FGD3: variants seen among roughly 807,000 people sequenced by gnomAD.
FGD3 encodes FYVE, RhoGEF and PH domain-containing protein 3.
FGD3 carries 45 observed loss-of-function variants against 71.8 expected under a neutral mutation model. That is an observed-to-expected ratio of 0.63 (90% CI 0.49 to 0.80). The LOEUF is 0.80. Among genes scored for constraint, FGD3 ranks in the 30% least tolerant of loss-of-function variants. The probability of loss-of-function intolerance (pLI) is 0.00; values close to 1 mark genes in which losing one functional copy is unlikely to be tolerated. For missense variants in FGD3, 844 were observed against 951.5 expected, an observed-to-expected ratio of 0.89 and a Z score of 1.49; for synonymous variants, 378 against 392.8, an observed-to-expected ratio of 0.96 and a Z score of 0.44.
intron 5 of FGD3, among the ~76,000 whole-genome samples, chr9:93,005,725 T>C (rs934382727): frequency 6.6e-6 from 1 of 152,198 alleles, no homozygotes; most frequent in African/African-American, 2.4e-5. Context: ...ATAACTGTGG[T>C]TCATCATTCA....
chr9:93,005,629 G>A (rs1861020553), intron 5 of FGD3, among the ~76,000 whole-genome samples: 1 of 152,166 alleles, frequency 6.6e-6, no homozygotes, highest in Admixed American at 6.5e-5. Context: ...ACTTTCCCCA[G>A]GACTTCACCA....
At position 92,969,518 on chromosome 9, in the gene FGD3, T is replaced by A. The variant is rs972250808; in HGVS notation, c.-217-5720T>A. On this transcript the variant is annotated intron_variant, in intron 1 of 17. Transcript: ENST00000375482. This position sits in a 1 kb window ranked among gnomAD's most constrained non-coding sequence, Gnocchi z 4.5. ...TTAAAAACCACCACTAACGCGTTTG[T>A]TGCTCCCCCTACATAACATGCCATT... Among the ~76,000 whole-genome samples, 4 of 152,162 alleles carry A rather than the reference T, an allele frequency of 2.6e-5. No individual in the cohort carries two copies. Among genetic ancestry groups the A allele is most frequent in the African/African-American group, 9.7e-5 (4 of 41,446 alleles).
chr9:93,034,987 C>G (rs1033398699), intron 17 of FGD3, among the ~76,000 whole-genome samples: 2 of 152,152 alleles, frequency 1.3e-5, no homozygotes, highest in African/African-American at 4.8e-5. Context: ...CAGCCCTGGC[C>G]CGGCCCCTTG....
chr9:92,989,675 G>T (rs953858032), intron 3 of FGD3, among the ~76,000 whole-genome samples: 5 of 152,210 alleles, frequency 3.3e-5, no homozygotes, highest in Non-Finnish European at 7.3e-5. Flanking sequence ...AAGAGAAAAG[G>T]AGCCGGTAGG....
chr9:93,011,111 C>T lies in FGD3; in HGVS notation c.977-103C>T, dbSNP rs748144953. 4 of 1,199,346 alleles carry T rather than the reference C, an allele frequency of 3.3e-6. No individual in the cohort carries two copies. In the Admixed American group the frequency reaches 5.1e-5, roughly 15 times the overall value. The allele number at this position is 1,199,346 out of a possible 1,614,324, so 74.3% of individuals were successfully genotyped here. On this transcript the variant is annotated intron_variant, in intron 7 of 17. Coordinates refer to ENST00000375482, the MANE Select transcript of FGD3 (RefSeq NM_001083536.2). ...CAGGCACCCTGGGAAAGGCTGAGGG[C>T]AGAGACAGATCCTCTCTCTGGAGGC...
At chr9:92,995,651 C>G (rs1380870589) in intron 3 of FGD3, among the ~76,000 whole-genome samples, 7 of 152,132 alleles carry the variant, frequency 4.6e-5, no homozygotes, top group Non-Finnish European at 1.0e-4. Flanking sequence ...TATGTCCCAT[C>G]AATATCTAGT....
intron 3 of FGD3, among the ~76,000 whole-genome samples, chr9:92,997,614 G>C (rs1860697930): frequency 6.6e-6 from 1 of 152,132 alleles, no homozygotes; most frequent in Admixed American, 6.6e-5. Context: ...GCTGGTACCG[G>C]TTGTTCCTTT....
Position 93,013,486 on chromosome 9 carries a change from G to A in FGD3, c.1036-366G>A, listed in dbSNP as rs990101930. Among the ~76,000 whole-genome samples, 9 of 152,194 alleles carry A rather than the reference G, an allele frequency of 5.9e-5. No homozygotes were observed. The South Asian group carries it at 6.2e-4, about 10-fold the overall frequency. ...GGGGAAGGTGACATATGGATTGTCC[G>A]AGTCTGGGTCTCAGATACTCAACTG... On this transcript the variant is annotated intron_variant, in intron 8 of 17. Coordinates refer to ENST00000375482, the MANE Select transcript of FGD3 (RefSeq NM_001083536.2).
At chr9:93,010,579 G>C (rs1488051444) in intron 7 of FGD3, among the ~76,000 whole-genome samples, 195 bp downstream of exon 7, 1 of 148,498 alleles carries the variant, frequency 6.7e-6, no homozygotes, top group African/African-American at 2.5e-5. Context: ...ATAGGGAGAT[G>C]TCAGGGAAAG....
intron 7 of FGD3, 75 bp downstream of exon 7, chr9:93,010,459 G>A: frequency 1.4e-5 from 12 of 848,524 alleles, no homozygotes; most frequent in East Asian, 3.9e-5. Context: ...GAGAGAGGGA[G>A]AGAGAGAGTC....
intron 8 of FGD3, among the ~76,000 whole-genome samples, chr9:93,013,412 T>TTC (rs1861520625): frequency 6.6e-6 from 1 of 152,192 alleles, no homozygotes. Flanking sequence ...CCCATCGCAC[T>TTC]TCTGGGTGCT....
At chr9:92,963,542 C>T (rs1859213422) in intron 1 of FGD3, among the ~76,000 whole-genome samples, 1 of 152,158 alleles carries the variant, frequency 6.6e-6, no homozygotes, top group African/African-American at 2.4e-5. Flanking sequence ...TCAAGTGATC[C>T]TCCCTCCTTG....
intron 1 of FGD3, among the ~76,000 whole-genome samples, chr9:92,960,561 G>A (rs117122570): frequency 7.9e-5 from 12 of 152,296 alleles, no homozygotes; most frequent in Admixed American, 3.9e-4. Context: ...CCCCCACAGC[G>A]GATAAACTGG....
intron 3 of FGD3, among the ~76,000 whole-genome samples, chr9:92,978,244 T>TGCA (rs752282117): frequency 4.2e-5 from 6 of 144,574 alleles, no homozygotes; most frequent in Non-Finnish European, 4.5e-5. Context: ...ATCACACCAT[T>TGCA]GCACTCCAGC....
chr9:92,971,566 CTT>C (rs869043960), intron 1 of FGD3, among the ~76,000 whole-genome samples: 854 of 39,312 alleles, frequency 0.022, 6 homozygotes, highest in African/African-American at 0.071. Context: ...CTTTTCTTTT[CTT>C]TTTTTTTTTT....
chr9:92,993,562 C>T (rs147907635), intron 3 of FGD3, among the ~76,000 whole-genome samples: 53 of 152,210 alleles, frequency 3.5e-4, no homozygotes, highest in African/African-American at 1.2e-3. Context: ...GTGTGCTGCA[C>T]CCGTTAACTC....
intron 17 of FGD3, 113 bp from the exon 18 acceptor site, chr9:93,035,225 T>A: frequency 7.0e-7 from 1 of 1,430,686 alleles, no homozygotes. Flanking sequence ...GCTCAGCACC[T>A]GCCTTGCGTT....
rs541720789 is a variant in FGD3 at position 92,966,960 on chromosome 9, C to CTT, written c.-217-8265_-217-8264dup. On this transcript the variant is annotated intron_variant, in intron 1 of 17. Transcript: ENST00000375482. ...AAAACATAGCACTTTCATCTTTTTTCTTTTTTTTTTTTTTGGGGGGGGATG... is the reference window on the plus strand; with the variant it reads ...AAAACATAGCACTTTCATCTTTTTTCTTTTTTTTTTTTTTTTGGGGGGGGATG... Among the ~76,000 whole-genome samples the CTT allele has an allele frequency of 7.9e-3, 1,127 of 142,520 alleles. 11 individuals carry two copies. The highest frequency in any genetic ancestry group is 0.027 in the African/African-American group (1,073 of 39,138). 93.5% of individuals were successfully genotyped at this position (142,520 alleles called of 152,430 possible). A position where few individuals can be genotyped will look rare whatever the true frequency, so the allele number is the denominator to read the frequency against.
At chr9:93,006,733 A>T (rs898555805) in intron 6 of FGD3, among the ~76,000 whole-genome samples, 4 of 144,888 alleles carry the variant, frequency 2.8e-5, no homozygotes, top group Non-Finnish European at 4.6e-5. Context: ...TTTTTATTTT[A>T]TTTTTTTTTT....
Sources: gnomAD v4.1 joint callset for allele counts (sites outside exome capture counted in the v4.1 genomes callset) on GRCh38, gnomAD v4.1.1 for gene constraint, Gnocchi (gnomAD v3.1) non-coding constraint, MANE v1.5 for transcripts, NCBI Gene and HGNC (gene_info 2026-07-23, HGNC 2026-07-21) for gene names.